The following ST8SIA5 variants were observed in gnomAD, a reference collection of about 807,000 sequenced individuals.
The protein encoded by ST8SIA5 is alpha-2,8-sialyltransferase 8E.
Under a neutral mutation model 40.2 loss-of-function variants are expected in ST8SIA5, and 24 were observed. The ratio of observed to expected loss-of-function variants is 0.60; its 90% confidence interval spans 0.43 to 0.84. The LOEUF is 0.84. Ranked by LOEUF, ST8SIA5 falls within the 40% of genes least tolerant of loss-of-function variation. ST8SIA5 has a pLI of 0.00. For synonymous variants in ST8SIA5, 198 were observed against 201.8 expected, an observed-to-expected ratio of 0.98 and a Z score of 0.16; for missense variants, 465 against 498.5, an observed-to-expected ratio of 0.93 and a Z score of 0.64.
At chr18:46,704,685 G>C (rs2039652584) in intron 1 of ST8SIA5, 21 bp from the exon 2 acceptor site, 1 of 1,603,480 alleles carries the variant, frequency 6.2e-7, no homozygotes. Flanking sequence ...ACAGAGACAG[G>C]TTAAACAGAG....
chr18:46,751,794 A>G (rs955376339), intron 1 of ST8SIA5, among the ~76,000 whole-genome samples: 1 of 152,222 alleles, frequency 6.6e-6, no homozygotes, highest in Non-Finnish European at 1.5e-5. Flanking sequence ...GAGTGTGTAC[A>G]TAACTGTGTT....
At chr18:46,750,810 C>T (rs758923285) in intron 1 of ST8SIA5, among the ~76,000 whole-genome samples, 26 of 152,130 alleles carry the variant, frequency 1.7e-4, no homozygotes, top group Non-Finnish European at 3.2e-4. Context: ...TCCTTTGTGC[C>T]CAGACCCATC....
At chr18:46,753,362 G>A (rs2040212586) in intron 1 of ST8SIA5, among the ~76,000 whole-genome samples, 1 of 152,116 alleles carries the variant, frequency 6.6e-6, no homozygotes, top group South Asian at 2.1e-4. Flanking sequence ...CACAAGGTCA[G>A]GAGATCAAGA....
rs2039306526 is a variant in ST8SIA5 at position 46,671,133 on chromosome 18, G to GC, written c.*8908dup. 1 of 152,116 alleles carries GC rather than the reference G, an allele frequency of 6.6e-6. No homozygotes were observed. Among genetic ancestry groups the GC allele is most frequent in the Non-Finnish European group, 1.5e-5 (1 of 68,034 alleles). 9.4% of individuals were successfully genotyped at this position (152,116 alleles called of 1,614,324 possible). ...TTCACCCTGCCTCAGTAAAACAGTA[G>GC]CCATTTCCACTTTTAATAAGTCTTT... On this transcript the variant is annotated 3_prime_UTR_variant, in exon 7 of 7. Coordinates refer to ENST00000315087, the MANE Select transcript of ST8SIA5 (RefSeq NM_013305.6).
At position 46,679,845 on chromosome 18, in the gene ST8SIA5, G is replaced by A. The variant is rs2039368700; in HGVS notation, c.*197C>T. 5 of 623,936 alleles carry A rather than the reference G, an allele frequency of 8.0e-6. No individual in the cohort carries two copies. The highest frequency in any genetic ancestry group is 7.9e-5 in the South Asian group (4 of 50,592). The allele number at this position is 623,936 out of a possible 1,614,324, so 38.6% of individuals were successfully genotyped here. ...GCACCGGTGGGGGCCAGGCCAGGAG[G>A]CTCAGCACAGAGCTGACTCTGCCCC... is the stretch of plus-strand genomic sequence containing the variant. On this transcript the variant is annotated 3_prime_UTR_variant, in exon 7 of 7. Transcript: ENST00000315087.
intron 1 of ST8SIA5, among the ~76,000 whole-genome samples, chr18:46,738,369 C>T (rs1308071457): frequency 2.0e-5 from 3 of 152,070 alleles, no homozygotes; most frequent in Non-Finnish European, 4.4e-5. Context: ...CATCCAACAC[C>T]TGGTGCAGGG....
intron 1 of ST8SIA5, among the ~76,000 whole-genome samples, chr18:46,747,697 T>G (rs1476432602): frequency 1.3e-5 from 2 of 152,182 alleles, no homozygotes; most frequent in Non-Finnish European, 2.9e-5. Flanking sequence ...GAAATACCAT[T>G]TGACCCAGCC....
At chr18:46,754,700 G>A (rs1310666811) in intron 1 of ST8SIA5, among the ~76,000 whole-genome samples, 1 of 152,242 alleles carries the variant, frequency 6.6e-6, no homozygotes, top group Admixed American at 6.5e-5. Flanking sequence ...CCCAAGACCA[G>A]GGAGGACTTG....
Position 46,681,980 on chromosome 18 carries a change from G to A in ST8SIA5, c.654C>T (p.Ile218=), listed in dbSNP as rs1462333638. Residue 218 remains isoleucine (I), a synonymous_variant, in exon 6 of 7, where the codon ATC becomes ATT. Coordinates refer to ENST00000315087, the MANE Select transcript of ST8SIA5 (RefSeq NM_013305.6). ...GAAAGAGGGCCACTGACCTCTCTGT[G>A]ATGATGCTGGGGTTCACAGTGACCA... ...TDVVTVNPSI[I]TERFHKLEKW... 7 of 1,614,040 alleles carry A rather than the reference G, an allele frequency of 4.3e-6. No individual in the cohort carries two copies. In the South Asian group the frequency reaches 7.7e-5, roughly 18 times the overall value.
chr18:46,714,856 T>C (rs1446577978), intron 1 of ST8SIA5, among the ~76,000 whole-genome samples: 2 of 152,202 alleles, frequency 1.3e-5, no homozygotes, highest in African/African-American at 4.8e-5. Flanking sequence ...ACAGAAAGGT[T>C]TGTGTAAGTG....
At chr18:46,751,970 A>T (rs972216978) in intron 1 of ST8SIA5, among the ~76,000 whole-genome samples, 1 of 151,578 alleles carries the variant, frequency 6.6e-6, no homozygotes, top group African/African-American at 2.4e-5. Context: ...CACAGCTGTC[A>T]CCCTCCCCGC....
chr18:46,747,901 A>AT (rs2040156187), intron 1 of ST8SIA5, among the ~76,000 whole-genome samples: 1 of 152,206 alleles, frequency 6.6e-6, no homozygotes, highest in African/African-American at 2.4e-5. Context: ...ATAAAAAAGG[A>AT]TGAGTTCATG....
At chr18:46,756,336 G>A (rs1396199541) in intron 1 of ST8SIA5, 42 bp downstream of exon 1, 5 of 1,601,358 alleles carry the variant, frequency 3.1e-6, no homozygotes, top group Non-Finnish European at 4.3e-6. Context: ...GGGGCTCGCC[G>A]GCCGGCTCCG....
chr18:46,736,320 G>A (rs937876347), intron 1 of ST8SIA5, among the ~76,000 whole-genome samples: 1 of 152,198 alleles, frequency 6.6e-6, no homozygotes, highest in East Asian at 1.9e-4. Context: ...GATGCTTTCT[G>A]CATGAATGAT....
Position 46,688,788 on chromosome 18 carries a change from C to A in ST8SIA5, c.443G>T (p.Arg148Leu). 1 of 1,612,672 alleles carries A rather than the reference C, an allele frequency of 6.2e-7. No homozygotes were observed. Among genetic ancestry groups the A allele is most frequent in the South Asian group, 1.1e-5 (1 of 90,818 alleles). Residue 148 changes from arginine (R) to leucine (L), a missense_variant, in exon 4 of 7, where the codon CGC becomes CTC. Physicochemically the swap from Arg to Leu is moderately radical, Grantham distance 102. Transcript: ENST00000315087. ...CCAAAGCAGCACCTTGGGAAACATG[C>A]GGAAGATCTCCTGGTTGATGTGGTA... ...GIYHINQEIFRMFPKDMPYYR... is the reference protein window; with the variant it reads ...GIYHINQEIFLMFPKDMPYYR...
At chr18:46,720,158 C>T (rs2039847520) in intron 1 of ST8SIA5, among the ~76,000 whole-genome samples, 1 of 152,036 alleles carries the variant, frequency 6.6e-6, no homozygotes, top group African/African-American at 2.4e-5. Flanking sequence ...ATTTTCTACC[C>T]CAAACCTCTT....
chr18:46,706,688 T>C (rs1051935958), intron 1 of ST8SIA5, among the ~76,000 whole-genome samples: 1 of 152,176 alleles, frequency 6.6e-6, no homozygotes, highest in Non-Finnish European at 1.5e-5. Context: ...CCCAGACTCC[T>C]TTGCAGGTAG....
Position 46,756,586 on chromosome 18 carries a change from C to A in ST8SIA5, c.-78G>T. On this transcript the variant is annotated 5_prime_UTR_variant, in exon 1 of 7. Transcript: ENST00000315087. ...CGCGGGGTTCCGGGGCCCCGGGGGG[C>A]GCGCGGCCGACTTGGCGCCTCACGG... The A allele has an allele frequency of 6.7e-7, 1 of 1,488,988 alleles. No individual in the cohort carries two copies. Among genetic ancestry groups the A allele is most frequent in the South Asian group, 1.3e-5 (1 of 75,488 alleles). 92.2% of individuals were successfully genotyped at this position (1,488,988 alleles called of 1,614,324 possible). A position where few individuals can be genotyped will look rare whatever the true frequency, so the allele number is the denominator to read the frequency against.
In ST8SIA5 at chr18:46,725,433, C is replaced by A. The variant is rs576230241; in HGVS notation, c.132-20769G>T. 2.6e-4 allele frequency among the ~76,000 whole-genome samples: 40 copies of A among 152,214 alleles called. No homozygotes were observed. In the South Asian group the frequency reaches 3.1e-3, roughly 12 times the overall value. Reference sequence around the variant, plus strand: ...GTCATCCTCCTACCCATGGTGAGACCCCATGTCCCTTCACATGGCAGTCCC... The same window carrying A: ...GTCATCCTCCTACCCATGGTGAGACACCATGTCCCTTCACATGGCAGTCCC... On this transcript the variant is annotated intron_variant, in intron 1 of 6. Transcript: ENST00000315087.
Sources: allele counts gnomAD v4.1 joint callset (sites outside exome capture counted in the v4.1 genomes callset), GRCh38; gene constraint gnomAD v4.1.1; transcripts MANE v1.5; gene names NCBI Gene and HGNC (gene_info 2026-07-23, HGNC 2026-07-21).